PCSK2: variants seen among roughly 807,000 people sequenced by gnomAD.
PCSK2 encodes neuroendocrine convertase 2.
A neutral mutation model predicts 69.7 loss-of-function variants in PCSK2; 14 were observed. That is an observed-to-expected ratio of 0.20 (90% CI 0.13 to 0.31). The LOEUF is 0.31. Ranked by LOEUF, PCSK2 falls within the 10% of genes least tolerant of loss-of-function variation. PCSK2 has a pLI of 1.00. For synonymous variants in PCSK2, 307 were observed against 320.7 expected, an observed-to-expected ratio of 0.96 and a Z score of 0.46; for missense variants, 544 against 842.5, an observed-to-expected ratio of 0.65 and a Z score of 4.39.
At chr20:17,270,792 T>C (rs1303885902) in intron 2 of PCSK2, among the ~76,000 whole-genome samples, 1 of 152,030 alleles carries the variant, frequency 6.6e-6, no homozygotes, top group Non-Finnish European at 1.5e-5. Flanking sequence ...CCCAAATAAT[T>C]GTCTATTAGG....
At position 17,452,237 on chromosome 20, in the gene PCSK2, C is replaced by T. The variant is rs572137028; in HGVS notation, c.886-1505C>T. Among the ~76,000 whole-genome samples, 3 of 81,122 alleles carry T rather than the reference C, an allele frequency of 3.7e-5. No individual in the cohort carries two copies. The East Asian group carries it at 1.1e-3, about 30-fold the overall frequency. The allele number at this position is 81,122 out of a possible 152,430, so 53.2% of individuals were successfully genotyped here. On this transcript the variant is annotated intron_variant, in intron 8 of 11. Transcript: ENST00000262545. ...ATCTGAGTCTGTTTGAGAGTGTGAT[C>T]CTCCACACCAACTGTAGGGATATCT... is the stretch of plus-strand genomic sequence containing the variant.
At chr20:17,328,872 A>T (rs1374583836) in intron 2 of PCSK2, among the ~76,000 whole-genome samples, 1 of 152,204 alleles carries the variant, frequency 6.6e-6, no homozygotes, top group African/African-American at 2.4e-5. Flanking sequence ...ACTCCAGTGC[A>T]TTCAACTAAA....
chr20:17,284,153 C>A (rs1401231750), intron 2 of PCSK2, among the ~76,000 whole-genome samples: 1 of 152,012 alleles, frequency 6.6e-6, no homozygotes, highest in Non-Finnish European at 1.5e-5. Flanking sequence ...GTGAGATGGC[C>A]CAGAAAGGTA....
chr20:17,405,068 C>T (rs1239473007), intron 5 of PCSK2, among the ~76,000 whole-genome samples: 1 of 152,222 alleles, frequency 6.6e-6, no homozygotes, highest in Admixed American at 6.5e-5. Context: ...ATTGCCCATA[C>T]TGCGTGGGGC....
chr20:17,409,149 A>G (rs936857421), intron 5 of PCSK2, 114 bp from the exon 6 acceptor site: 24 of 794,248 alleles, frequency 3.0e-5, no homozygotes, highest in Non-Finnish European at 5.1e-5. Flanking sequence ...GGTCCAGTGC[A>G]GCACACTAAT....
At chr20:17,266,274 C>A (rs1264332150) in intron 2 of PCSK2, among the ~76,000 whole-genome samples, 1 of 152,168 alleles carries the variant, frequency 6.6e-6, no homozygotes, top group South Asian at 2.1e-4. Flanking sequence ...TCCCTGGTGA[C>A]CCTCACAGTG....
intron 8 of PCSK2, among the ~76,000 whole-genome samples, chr20:17,449,305 C>T (rs1375386001): frequency 6.6e-6 from 1 of 152,150 alleles, no homozygotes; most frequent in African/African-American, 2.4e-5. Flanking sequence ...CATGGCCTCC[C>T]TTTGTCCTTC....
chr20:17,395,550 T>G (rs904102803), intron 5 of PCSK2, among the ~76,000 whole-genome samples: 2 of 152,152 alleles, frequency 1.3e-5, no homozygotes, highest in Admixed American at 1.3e-4. Context: ...CTTGAGCAAA[T>G]TACATAATCT....
Position 17,247,081 on chromosome 20 carries a change from T to C in PCSK2, c.178-13159T>C, listed in dbSNP as rs186987581. 2.5e-3 allele frequency among the ~76,000 whole-genome samples: 382 copies of C among 152,260 alleles called. 2 individuals carry two copies. The highest frequency in any genetic ancestry group is 9.0e-3 in the African/African-American group (373 of 41,542). On this transcript the variant is annotated intron_variant, in intron 1 of 11. Coordinates refer to ENST00000262545, the MANE Select transcript of PCSK2 (RefSeq NM_002594.5). Reference sequence around the variant, plus strand: ...GTGCAAAACCCATTTCCTACTTGACTTGGAAGGAGAAAGAAATGTTAGGAA... The same window carrying C: ...GTGCAAAACCCATTTCCTACTTGACCTGGAAGGAGAAAGAAATGTTAGGAA...
At chr20:17,309,141 G>A (rs548453426) in intron 2 of PCSK2, among the ~76,000 whole-genome samples, 73 of 152,280 alleles carry the variant, frequency 4.8e-4, no homozygotes, top group African/African-American at 1.5e-3. Flanking sequence ...AGATCATGGA[G>A]GGCTTGGCAA....
chr20:17,322,604 G>A (rs1989903055), intron 2 of PCSK2, among the ~76,000 whole-genome samples: 1 of 152,290 alleles, frequency 6.6e-6, no homozygotes, highest in South Asian at 2.1e-4. Flanking sequence ...CAGTTCTGGA[G>A]GCTGGTAGGT....
intron 6 of PCSK2, among the ~76,000 whole-genome samples, chr20:17,418,734 C>T (rs1399117349): frequency 6.6e-6 from 1 of 152,142 alleles, no homozygotes; most frequent in East Asian, 1.9e-4. Flanking sequence ...GACACCAAGG[C>T]ATCCCACAGG....
intron 2 of PCSK2, among the ~76,000 whole-genome samples, chr20:17,355,161 A>C (rs185983872): frequency 6.6e-5 from 10 of 152,308 alleles, no homozygotes; most frequent in Admixed American, 3.9e-4. Flanking sequence ...GAATTTGAGC[A>C]GTCTTTTCAT....
chr20:17,433,350 A>AC (rs2032406586), intron 7 of PCSK2, among the ~76,000 whole-genome samples: 1 of 152,244 alleles, frequency 6.6e-6, no homozygotes, highest in Non-Finnish European at 1.5e-5. Flanking sequence ...ACAATGACTA[A>AC]CATGAGTTTT....
At chr20:17,268,060 T>TATATATATATATATATATATAA (rs1395373344) in intron 2 of PCSK2, among the ~76,000 whole-genome samples, 1 of 146,170 alleles carries the variant, frequency 6.8e-6, no homozygotes, top group African/African-American at 2.5e-5. Flanking sequence ...TATATATATA[T>TATATATATATATATATATATAA]ATAATGCATT....
intron 10 of PCSK2, among the ~76,000 whole-genome samples, chr20:17,462,915 T>C (rs189718236): frequency 2.6e-4 from 39 of 152,300 alleles, no homozygotes; most frequent in Non-Finnish European, 2.4e-4. Context: ...TTAAAGCAGG[T>C]TGATGAAATA....
intron 2 of PCSK2, among the ~76,000 whole-genome samples, chr20:17,327,695 G>T (rs759128742): frequency 7.2e-5 from 11 of 152,212 alleles, no homozygotes; most frequent in Non-Finnish European, 1.6e-4. Flanking sequence ...TGCCATTTCT[G>T]CTTCCTCGAA....
At chr20:17,378,390 C>A (rs903679815) in intron 5 of PCSK2, among the ~76,000 whole-genome samples, 2 of 152,100 alleles carry the variant, frequency 1.3e-5, no homozygotes, top group Admixed American at 1.3e-4. Context: ...TAAAAAGTAG[C>A]CCACATCATT....
chr20:17,377,362 T>C (rs997979739), intron 5 of PCSK2, among the ~76,000 whole-genome samples: 1 of 152,218 alleles, frequency 6.6e-6, no homozygotes, highest in African/African-American at 2.4e-5. Flanking sequence ...TGACTGTCTC[T>C]GAAGTGGGTG....
Sources: gnomAD v4.1 joint callset for allele counts (sites outside exome capture counted in the v4.1 genomes callset) on GRCh38, gnomAD v4.1.1 for gene constraint, MANE v1.5 for transcripts, NCBI Gene and HGNC (gene_info 2026-07-23, HGNC 2026-07-21) for gene names.